PCSK5: variants seen among roughly 807,000 people sequenced by gnomAD.
PCSK5 encodes prohormone convertase 5.
A neutral mutation model predicts 233.2 loss-of-function variants in PCSK5; 129 were observed. That is an observed-to-expected ratio of 0.55 (90% CI 0.48 to 0.64). The LOEUF (loss-of-function observed/expected upper bound fraction) is 0.64. PCSK5 is among the 30% of genes least tolerant of loss of function. PCSK5 has a pLI of 0.00. For missense variants in PCSK5, 2,076 were observed against 2,430.1 expected, an observed-to-expected ratio of 0.85 and a Z score of 3.06; for synonymous variants, 825 against 879.2, an observed-to-expected ratio of 0.94 and a Z score of 1.09.
intron 20 of PCSK5, among the ~76,000 whole-genome samples, chr9:76,197,366 T>C (rs1394664770): frequency 6.6e-6 from 1 of 152,148 alleles, no homozygotes; most frequent in African/African-American, 2.4e-5. Context: ...AGATTCATTA[T>C]TTTCCGCTGA....
chr9:76,076,067 C>G (rs1247791336), intron 7 of PCSK5, among the ~76,000 whole-genome samples: 5 of 152,176 alleles, frequency 3.3e-5, no homozygotes, highest in African/African-American at 1.2e-4. Context: ...GACAGAACAT[C>G]CTCTTTGAGG....
chr9:75,892,930 G>A (rs1196301833), intron 1 of PCSK5, among the ~76,000 whole-genome samples: 30 of 152,198 alleles, frequency 2.0e-4, no homozygotes, highest in Admixed American at 1.8e-3. Context: ...GCCAGATTTT[G>A]TTGCTTGAGT....
intron 24 of PCSK5, among the ~76,000 whole-genome samples, chr9:76,279,914 T>C (rs1827815788): frequency 6.6e-6 from 1 of 151,946 alleles, no homozygotes; most frequent in Admixed American, 6.6e-5. Context: ...GCTCTTTAGT[T>C]TAATTAGATC....
At chr9:76,104,170 G>T (rs777826453) in intron 8 of PCSK5, among the ~76,000 whole-genome samples, 10 of 152,148 alleles carry the variant, frequency 6.6e-5, no homozygotes, top group Non-Finnish European at 1.3e-4. Context: ...AAACTCCGAT[G>T]CTGTGGCTTC....
intron 30 of PCSK5, among the ~76,000 whole-genome samples, chr9:76,317,771 C>T (rs1829072655): frequency 6.6e-6 from 1 of 152,138 alleles, no homozygotes; most frequent in African/African-American, 2.4e-5. Context: ...TTGAACTTGC[C>T]CTTCTACGCG....
intron 20 of PCSK5, among the ~76,000 whole-genome samples, chr9:76,204,943 G>A (rs1258629879): frequency 1.3e-5 from 2 of 152,148 alleles, no homozygotes; most frequent in Non-Finnish European, 2.9e-5. Context: ...CTTTGTGAGT[G>A]TGTCACAGAC....
At chr9:76,309,663 C>G (rs1234908314) in intron 29 of PCSK5, among the ~76,000 whole-genome samples, 1 of 148,258 alleles carries the variant, frequency 6.7e-6, no homozygotes, top group African/African-American at 2.5e-5. Flanking sequence ...GATGACAGAG[C>G]AAGACGCTGC....
intron 24 of PCSK5, among the ~76,000 whole-genome samples, chr9:76,253,387 C>T (rs1416305285): frequency 6.6e-6 from 1 of 152,110 alleles, no homozygotes; most frequent in Non-Finnish European, 1.5e-5. Flanking sequence ...TATAAACTGA[C>T]TGTTTCTATT....
chr9:76,061,673 C>T (rs914912865), intron 5 of PCSK5, among the ~76,000 whole-genome samples: 15 of 151,696 alleles, frequency 9.9e-5, no homozygotes, highest in Non-Finnish European at 1.3e-4. Context: ...TCATAGTTTA[C>T]AATTGATTAT....
At chr9:76,053,148 T>C (rs1829692594) in intron 5 of PCSK5, among the ~76,000 whole-genome samples, 1 of 152,164 alleles carries the variant, frequency 6.6e-6, no homozygotes, top group East Asian at 1.9e-4. Flanking sequence ...AAGCTGTCAG[T>C]GTATCTACCA....
At chr9:75,981,024 G>A (rs751354805) in intron 2 of PCSK5, among the ~76,000 whole-genome samples, 2 of 152,116 alleles carry the variant, frequency 1.3e-5, no homozygotes, top group African/African-American at 4.8e-5. Context: ...TGAATTGGTC[G>A]AAGCTAGTTA....
intron 22 of PCSK5, among the ~76,000 whole-genome samples, 192 bp downstream of exon 22, chr9:76,233,788 C>T (rs368889950): frequency 1.3e-5 from 2 of 152,090 alleles, no homozygotes; most frequent in South Asian, 2.1e-4. Context: ...TCACCTTATT[C>T]GGGTGTAGAC....
intron 20 of PCSK5, among the ~76,000 whole-genome samples, chr9:76,213,033 A>G (rs560039898): frequency 2.6e-5 from 4 of 152,134 alleles, no homozygotes; most frequent in Admixed American, 6.5e-5. Context: ...CTATCATTTG[A>G]TCCTCCAAGT....
intron 8 of PCSK5, among the ~76,000 whole-genome samples, chr9:76,102,560 T>G (rs958815214): frequency 1.3e-5 from 2 of 152,166 alleles, no homozygotes; most frequent in Non-Finnish European, 2.9e-5. Context: ...AGTTTTCAGA[T>G]TAGAGATGTT....
intron 2 of PCSK5, among the ~76,000 whole-genome samples, chr9:75,972,098 G>A (rs1825835539): frequency 6.6e-6 from 1 of 152,080 alleles, no homozygotes; most frequent in Non-Finnish European, 1.5e-5. Context: ...TCTGCATATG[G>A]CTAGCCAGTT....
chr9:76,132,891 A>C (rs576590080), intron 9 of PCSK5, among the ~76,000 whole-genome samples: 1 of 152,202 alleles, frequency 6.6e-6, no homozygotes, highest in East Asian at 1.9e-4. Flanking sequence ...CCTAAAAAAC[A>C]TAGATGTGGT....
chr9:76,149,902 T>C (rs1017881213), intron 10 of PCSK5, among the ~76,000 whole-genome samples: 2 of 152,232 alleles, frequency 1.3e-5, no homozygotes, highest in Non-Finnish European at 2.9e-5. Context: ...CTGACACTTT[T>C]TTCTTTTCTT....
At chr9:76,331,945 G>T (rs576384988) in intron 33 of PCSK5, among the ~76,000 whole-genome samples, 1 of 152,242 alleles carries the variant, frequency 6.6e-6, no homozygotes, top group South Asian at 2.1e-4. Context: ...AAGGCCCCAA[G>T]TTGGGGATAC....
chr9:76,324,785 G>C (rs2803431), intron 32 of PCSK5, among the ~76,000 whole-genome samples: 7,271 of 152,176 alleles, frequency 0.048, 194 homozygotes, highest in South Asian at 0.078. Context: ...TGGGGCGGGG[G>C]CTTTTCTAGA....
Sources: allele counts gnomAD v4.1 joint callset (sites outside exome capture counted in the v4.1 genomes callset), GRCh38; gene constraint gnomAD v4.1.1; transcripts MANE v1.5; gene names NCBI Gene and HGNC (gene_info 2026-07-23, HGNC 2026-07-21).